Variants in MORN3 observed in about 807,000 individuals in gnomAD.
MORN3 encodes MORN repeat-containing protein 3.
In MORN3, 38 loss-of-function variants were observed where a neutral mutation model predicts 34.7. The ratio of observed to expected loss-of-function variants is 1.10; its 90% CI spans 0.85 to 1.44. MORN3 has a LOEUF of 1.44. Ranked by LOEUF, MORN3 falls within the 40% of genes most tolerant of loss-of-function variation. The pLI is 0.00. For synonymous variants in MORN3, 109 were observed against 115.3 expected, an observed-to-expected ratio of 0.95 and a Z score of 0.35; for missense variants, 311 against 321.7, an observed-to-expected ratio of 0.97 and a Z score of 0.25.
rs55657010 is a variant in MORN3, at chr12:121,659,139, A to G, written c.303+52T>C. ...GCTTCCCCTAAACACACACGCGCGC[A>G]CACACACACACACACACACACACAC... On this transcript the variant is annotated intron_variant, in intron 2 of 5. Transcript: ENST00000355329. 1,170 of 214,894 alleles carry G rather than the reference A, an allele frequency of 5.4e-3. 2 individuals are homozygous for G. The highest frequency in any genetic ancestry group is 0.016 in the South Asian group (118 of 7,540). The allele number at this position is 214,894 out of a possible 1,614,324, so 13.3% of individuals were successfully genotyped here.
intron 2 of MORN3, among the ~76,000 whole-genome samples, chr12:121,656,175 C>A (rs1330718525): frequency 6.6e-6 from 1 of 152,216 alleles, no homozygotes. Context: ...CCCCGCAACT[C>A]TTCTCCTCAC....
intron 2 of MORN3, among the ~76,000 whole-genome samples, chr12:121,657,643 G>A (rs1893450215): frequency 1.3e-5 from 2 of 152,032 alleles, no homozygotes; most frequent in South Asian, 4.1e-4. Flanking sequence ...CCAGGCTGGC[G>A]GATCACCTGA....
chr12:121,665,150 C>G (rs1446156279), intron 1 of MORN3, among the ~76,000 whole-genome samples: 2 of 151,648 alleles, frequency 1.3e-5, no homozygotes, highest in Non-Finnish European at 2.9e-5. Context: ...ATCCAACAGT[C>G]GAGTTAGGGG....
chr12:121,670,318 C>T (rs551291148), upstream of MORN3, among the ~76,000 whole-genome samples: 53 of 152,152 alleles, frequency 3.5e-4, no homozygotes, highest in African/African-American at 9.9e-4. Flanking sequence ...AATTCTATGC[C>T]GTTGGGATTT....
At position 121,654,256 on chromosome 12, in the gene MORN3, C is replaced by T. The variant is rs1485330739; in HGVS notation, c.463+18G>A. On this transcript the variant is annotated intron_variant, in intron 3 of 5. Transcript: ENST00000355329. Reference sequence around the variant, plus strand: ...GGCGTGGTCGGGTGGGCGGGGCCGGCGGGGGTGGGGCACTCACTCAGGCGC... The same window carrying T: ...GGCGTGGTCGGGTGGGCGGGGCCGGTGGGGGTGGGGCACTCACTCAGGCGC... 9.5e-6 allele frequency: 11 copies of T among 1,155,358 alleles called. No homozygotes were observed. In the East Asian group the frequency reaches 4.9e-4, roughly 52 times the overall value. 71.6% of individuals were successfully genotyped at this position (1,155,358 alleles called of 1,614,324 possible).
In MORN3 at chr12:121,659,087, CCT is replaced by C. The variant is rs1893498533; in HGVS notation, c.303+102_303+103del. 40 of 1,443,576 alleles carry C rather than the reference CCT, an allele frequency of 2.8e-5. No homozygotes were observed. In the East Asian group the frequency reaches 9.2e-4, roughly 33 times the overall value. The allele number at this position is 1,443,576 out of a possible 1,614,324, so 89.4% of individuals were successfully genotyped here. A position where few individuals can be genotyped will look rare whatever the true frequency, so the allele number is the denominator to read the frequency against. ...CCTGTCCTCCTCCCTGTAGACCTCC[CCT>C]CTCTTTTCTCCCAGGCCTCTCTCGG... On this transcript the variant is annotated intron_variant, in intron 2 of 5. Coordinates refer to ENST00000355329, the MANE Select transcript of MORN3 (RefSeq NM_173855.5).
At chr12:121,666,729 G>A (rs777380201) in intron 1 of MORN3, among the ~76,000 whole-genome samples, 3 of 151,956 alleles carry the variant, frequency 2.0e-5, no homozygotes, top group Non-Finnish European at 4.4e-5. Flanking sequence ...TTCTCCTGCT[G>A]GATGTCTCTC....
chr12:121,666,296 C>T (rs1414374657), intron 1 of MORN3, among the ~76,000 whole-genome samples: 1 of 152,038 alleles, frequency 6.6e-6, no homozygotes, highest in Admixed American at 6.6e-5. Flanking sequence ...GCTGGGATTA[C>T]AGGCGTGAGC....
intron 2 of MORN3, among the ~76,000 whole-genome samples, chr12:121,658,514 C>G (rs1490231481): frequency 2.2e-5 from 3 of 135,574 alleles, no homozygotes; most frequent in Non-Finnish European, 4.5e-5. Flanking sequence ...CGCAGTGAGC[C>G]AAGATGGCGC....
Position 121,662,552 on chromosome 12 carries a change from G to A in MORN3, c.146-3204C>T, listed in dbSNP as rs113524930. 3.3e-3 allele frequency among the ~76,000 whole-genome samples: 502 copies of A among 152,038 alleles called. 2 individuals are homozygous for A. The highest frequency in any genetic ancestry group is 0.011 in the African/African-American group (470 of 41,484). ...AGGCGGATGATGAGGTCAGGAGATC[G>A]AGACCATCCTGGCCAACATGGTGAA... On this transcript the variant is annotated intron_variant, in intron 1 of 5. Transcript: ENST00000355329.
At chr12:121,652,904 C>A in intron 4 of MORN3, 96 bp from the exon 5 acceptor site, 1 of 1,479,852 alleles carries the variant, frequency 6.8e-7, no homozygotes, top group Non-Finnish European at 9.4e-7. Flanking sequence ...TGCTGCCAGC[C>A]TCATCAGGAG....
At chr12:121,663,389 T>C (rs1320593704) in intron 1 of MORN3, among the ~76,000 whole-genome samples, 1 of 151,948 alleles carries the variant, frequency 6.6e-6, no homozygotes, top group Non-Finnish European at 1.5e-5. Flanking sequence ...GTAGAGACGG[T>C]GTTTCCCCAT....
rs1412569375 is a variant in MORN3 at position 121,653,074 on chromosome 12, C to T, written c.648+1G>A. 6.2e-7 allele frequency: 1 copy of T among 1,607,814 alleles called. No individual in the cohort carries two copies. On this transcript the variant is annotated splice_donor_variant, in intron 4 of 5. Coordinates refer to ENST00000355329, the MANE Select transcript of MORN3 (RefSeq NM_173855.5). LOFTEE classifies it high-confidence loss of function. ...ACAGGGCCCTGGTGAGGGCTGCCCACCTCAGGAATGGGGAACTGAGTGGGC... is the reference window on the plus strand; with the variant it reads ...ACAGGGCCCTGGTGAGGGCTGCCCATCTCAGGAATGGGGAACTGAGTGGGC...
intron 1 of MORN3, among the ~76,000 whole-genome samples, chr12:121,667,716 G>GTCTTTTTTTTTT (rs1410072021): frequency 6.7e-6 from 1 of 149,322 alleles, no homozygotes; most frequent in Non-Finnish European, 1.5e-5. Flanking sequence ...TCTCCTCCAA[G>GTCTTTTTTTTTT]TCTTTTTTTT....
In MORN3 at chr12:121,649,129, A is replaced by G. The variant is rs1490413554; in HGVS notation, c.*2522T>C. The stretch of plus-strand genomic sequence containing the variant: ...ACACCCAGCTAATTTTTGTATTTTT[A>G]GTAGAGACAGGGTTTCACCATGTTG... On this transcript the variant is annotated 3_prime_UTR_variant, in exon 6 of 6. Transcript: ENST00000355329. The G allele has an allele frequency of 6.6e-6, 1 of 152,012 alleles. No homozygotes were observed. Among genetic ancestry groups the G allele is most frequent in the East Asian group, 1.9e-4 (1 of 5,186 alleles). The allele number at this position is 152,012 out of a possible 1,614,324, so 9.4% of individuals were successfully genotyped here.
At position 121,669,399 on chromosome 12, in the gene MORN3, G is replaced by T; in HGVS notation, c.85C>A (p.Gln29Lys). ...TAGTCGCCATTCACAGCGTATACCT[G>T]GCTCCGCAGGCCGTTCCTCTGGGCC... The part of the protein sequence containing the change: ...RKAQRNGLRS[Q>K]VYAVNGDYYV... The change falls in exon 1 of 6, where the codon CAG becomes AAG. Residue 29 changes from glutamine to lysine, a missense_variant. Gln to Lys is a moderately conservative substitution (Grantham distance 53). Coordinates refer to ENST00000355329, the MANE Select transcript of MORN3 (RefSeq NM_173855.5). 2 of 1,614,106 alleles carry T rather than the reference G, an allele frequency of 1.2e-6. No homozygotes were observed. The highest frequency in any genetic ancestry group is 1.7e-6 in the Non-Finnish European group (2 of 1,179,974).
chr12:121,671,361 G>A (rs373115724), upstream of MORN3, among the ~76,000 whole-genome samples: 4 of 148,222 alleles, frequency 2.7e-5, no homozygotes, highest in South Asian at 8.5e-4. Flanking sequence ...AGCCGAGATC[G>A]CGCCACTGCA....
chr12:121,671,235 G>C (rs1446753377), upstream of MORN3, among the ~76,000 whole-genome samples: 2 of 149,620 alleles, frequency 1.3e-5, no homozygotes, highest in African/African-American at 2.5e-5. Context: ...GTGAAACCCC[G>C]TCTCTACTAA....
At chr12:121,667,343 T>C (rs1011176608) in intron 1 of MORN3, among the ~76,000 whole-genome samples, 1 of 151,976 alleles carries the variant, frequency 6.6e-6, no homozygotes, top group Non-Finnish European at 1.5e-5. Context: ...AACCTCCACC[T>C]CCTGGGTTCA....
Sources: gnomAD v4.1 joint callset for allele counts (sites outside exome capture counted in the v4.1 genomes callset) on GRCh38, gnomAD v4.1.1 for gene constraint, MANE v1.5 for transcripts, NCBI Gene and HGNC (gene_info 2026-07-23, HGNC 2026-07-21) for gene names.